Variants in PSAP observed in about 807,000 individuals in gnomAD.
The protein encoded by PSAP is prosaposin, also known as precursor of saposins.
PSAP carries 25 observed loss-of-function variants against 66.0 expected under a neutral mutation model. The observed-to-expected ratio is 0.38, with a 90% CI of 0.28 to 0.53. The LOEUF (loss-of-function observed/expected upper bound fraction) is 0.53. Ranked by LOEUF, PSAP falls within the 20% of genes least tolerant of loss-of-function variation. PSAP has a pLI of 0.83. For missense variants in PSAP, 649 were observed against 668.8 expected (o/e 0.97, Z 0.33); for synonymous variants, 273 against 258.9 (o/e 1.05, Z -0.52).
Position 71,831,131 on chromosome 10 carries a change from C to G in PSAP, c.370G>C (p.Glu124Gln), listed in dbSNP as rs770893932. Residue 124 changes from glutamate (E) to glutamine (Q), a missense_variant, in exon 4 of 14, where the codon GAA (glutamate) becomes CAA (glutamine). Transcript: ENST00000394936. The part of the protein sequence containing the change: ...LPVILDIIKG[E>Q]MSRPGEVCSA... The stretch of plus-strand genomic sequence containing the variant: ...GCCTATTCCCCATCACTTACCATTT[C>G]TCCTTTAATGATGTCCAGGATGACA... 21 of 1,614,108 alleles carry G rather than the reference C, an allele frequency of 1.3e-5. No homozygotes were observed. In the South Asian group the frequency reaches 2.2e-4, roughly 17 times the overall value.
At chr10:71,819,958 C>A in intron 9 of PSAP, 58 bp from the exon 10 acceptor site, 1 of 1,460,326 alleles carries the variant, frequency 6.8e-7, no homozygotes, top group Non-Finnish European at 9.5e-7. Context: ...GGTTGGGGGA[C>A]ATTCTGAAAA....
At chr10:71,827,405 GA>G (rs56103602) in intron 6 of PSAP, among the ~76,000 whole-genome samples, 21 of 129,420 alleles carry the variant, frequency 1.6e-4, no homozygotes, top group African/African-American at 3.7e-4. Context: ...TCTCAAAAAA[GA>G]AAAAAAAAAA....
At position 71,837,093 on chromosome 10, in the gene PSAP, G is replaced by A. The variant is rs180924090; in HGVS notation, c.41-2588C>T. 2.0e-5 allele frequency among the ~76,000 whole-genome samples: 3 copies of A among 152,326 alleles called. No homozygotes were observed. In the East Asian group the frequency reaches 5.8e-4, roughly 29 times the overall value. On this transcript the variant is annotated intron_variant, in intron 1 of 13. Transcript: ENST00000394936. ...GAATTCGGTACGCCTATAAAGTCAAGTTCCAGCGTAAAACAGATTTCCGTG... is the reference window on the plus strand; with the variant it reads ...GAATTCGGTACGCCTATAAAGTCAAATTCCAGCGTAAAACAGATTTCCGTG...
chr10:71,822,279 G>T, intron 7 of PSAP: 1 of 504,918 alleles, frequency 2.0e-6, no homozygotes, highest in Non-Finnish European at 3.6e-6. Flanking sequence ...GCCACCACGA[G>T]GGAGACTCCC....
intron 7 of PSAP, among the ~76,000 whole-genome samples, chr10:71,824,076 C>T (rs948398177): frequency 1.2e-4 from 18 of 152,298 alleles, no homozygotes; most frequent in African/African-American, 3.6e-4. Flanking sequence ...TGCTATCTTG[C>T]GGACAAGGGG....
intron 1 of PSAP, among the ~76,000 whole-genome samples, chr10:71,846,813 T>A (rs1842834007): frequency 6.7e-6 from 1 of 148,388 alleles, no homozygotes; most frequent in Admixed American, 6.7e-5. Flanking sequence ...CTGAAGAATA[T>A]CCAGACCCTC....
chr10:71,828,413 T>C (rs1286885311), intron 5 of PSAP, among the ~76,000 whole-genome samples: 4 of 152,146 alleles, frequency 2.6e-5, no homozygotes, highest in Admixed American at 2.0e-4. Context: ...CCCAGCACTT[T>C]GGGAAGCCGA....
At chr10:71,823,221 G>A (rs374364115) in intron 7 of PSAP, among the ~76,000 whole-genome samples, 10 of 152,276 alleles carry the variant, frequency 6.6e-5, no homozygotes, top group African/African-American at 2.4e-4. Flanking sequence ...TGTTCAGGAC[G>A]GCCCCGAAGG....
chr10:71,836,074 C>G (rs1057094816), intron 1 of PSAP, among the ~76,000 whole-genome samples: 1 of 152,176 alleles, frequency 6.6e-6, no homozygotes, highest in East Asian at 1.9e-4. Context: ...AGTCAGATCA[C>G]CTTCACCCCT....
intron 2 of PSAP, among the ~76,000 whole-genome samples, chr10:71,833,094 A>C (rs1218847450): frequency 6.6e-6 from 1 of 151,806 alleles, no homozygotes; most frequent in Admixed American, 6.6e-5. Context: ...TAAAGTCCTT[A>C]CGGGACACAC....
intron 7 of PSAP, 28 bp from the exon 8 acceptor site, chr10:71,822,035 G>A: frequency 6.2e-7 from 1 of 1,613,974 alleles, no homozygotes; most frequent in Non-Finnish European, 8.5e-7. Context: ...CAACCAGTCA[G>A]CAGCAAGCCT....
At chr10:71,838,510 C>T (rs1486361682) in intron 1 of PSAP, among the ~76,000 whole-genome samples, 17 of 152,188 alleles carry the variant, frequency 1.1e-4, no homozygotes. Context: ...GGCTCCAGAC[C>T]ACAGATCTCT....
At chr10:71,829,555 GC>G (rs933591981) in intron 4 of PSAP, among the ~76,000 whole-genome samples, 5 of 152,148 alleles carry the variant, frequency 3.3e-5, no homozygotes, top group South Asian at 4.2e-4. Flanking sequence ...TGATTTTGAG[GC>G]CCCCCCAGCC....
chr10:71,834,750 TA>T (rs1842589282), intron 1 of PSAP, among the ~76,000 whole-genome samples: 1 of 152,236 alleles, frequency 6.6e-6, no homozygotes, highest in Non-Finnish European at 1.5e-5. Flanking sequence ...TAGCTACCTT[TA>T]AACAGTATCA....
At chr10:71,825,466 C>A (rs562390407) in intron 7 of PSAP, among the ~76,000 whole-genome samples, 18 of 152,344 alleles carry the variant, frequency 1.2e-4, no homozygotes, top group Non-Finnish European at 1.8e-4. Flanking sequence ...GGCAGTATTC[C>A]CCCGACTCAG....
At chr10:71,822,504 T>G (rs911916461) in intron 7 of PSAP, 12 of 447,978 alleles carry the variant, frequency 2.7e-5, no homozygotes, top group African/African-American at 1.8e-4. Flanking sequence ...TGCTGGCTTT[T>G]TAAAAAACCA....
At chr10:71,843,853 TATTA>T (rs528617246) in intron 1 of PSAP, among the ~76,000 whole-genome samples, 3 of 152,220 alleles carry the variant, frequency 2.0e-5, no homozygotes, top group Non-Finnish European at 4.4e-5. Flanking sequence ...AGTGTCCTGA[TATTA>T]ATTACTTGCT....
intron 2 of PSAP, 136 bp from the exon 3 acceptor site, chr10:71,832,056 G>T: frequency 1.1e-6 from 1 of 878,006 alleles, no homozygotes; most frequent in Non-Finnish European, 1.9e-6. Context: ...TCACATCCTG[G>T]TTCTCCACCC....
intron 6 of PSAP, among the ~76,000 whole-genome samples, chr10:71,827,199 A>G (rs1161263892): frequency 6.6e-6 from 1 of 150,762 alleles, no homozygotes; most frequent in Non-Finnish European, 1.5e-5. Context: ...GATCGAGACC[A>G]TCCTGGCTAA....
Sources: allele counts gnomAD v4.1 joint callset (sites outside exome capture counted in the v4.1 genomes callset), GRCh38; gene constraint gnomAD v4.1.1; transcripts MANE v1.5; gene names NCBI Gene and HGNC (gene_info 2026-07-23, HGNC 2026-07-21).